Variants in TRPM3 observed in about 807,000 individuals in gnomAD.
The protein encoded by TRPM3 is long transient receptor potential channel 3.
TRPM3 carries 77 observed loss-of-function variants against 181.2 expected under a neutral mutation model. The observed-to-expected ratio is 0.42, with a 90% CI of 0.35 to 0.51. The LOEUF is 0.51. TRPM3 is among the 20% of genes least tolerant of loss of function. The pLI is 0.01. For synonymous variants in TRPM3, 745 were observed against 796.4 expected (o/e 0.94, Z 1.09); for missense variants, 1,759 against 2,196.7 (o/e 0.80, Z 3.98).
At chr9:71,358,019 G>T (rs772754603) in intron 1 of TRPM3, among the ~76,000 whole-genome samples, 1 of 152,084 alleles carries the variant, frequency 6.6e-6, no homozygotes, top group Non-Finnish European at 1.5e-5. Flanking sequence ...GTGTAGAAAT[G>T]AGTGAACAAT....
At position 70,535,760 on chromosome 9, in the gene TRPM3, G is replaced by T. The variant is rs2041563470; in HGVS notation, c.*193C>A. The stretch of plus-strand genomic sequence containing the variant: ...ACATGCCTTAAATCCCCTGTGTCTG[G>T]CACTGGGTCAGATCAAATGCTTTCT... On this transcript the variant is annotated 3_prime_UTR_variant, in exon 26 of 26. Coordinates refer to ENST00000677713, the MANE Select transcript of TRPM3 (RefSeq NM_001366145.2). 2 of 1,462,270 alleles carry T rather than the reference G, an allele frequency of 1.4e-6. No individual in the cohort carries two copies. Among genetic ancestry groups the T allele is most frequent in the Admixed American group, 5.5e-5 (2 of 36,344 alleles). 90.6% of individuals were successfully genotyped at this position (1,462,270 alleles called of 1,614,324 possible).
intron 1 of TRPM3, among the ~76,000 whole-genome samples, chr9:71,324,329 A>G (rs1332372235): frequency 2.0e-5 from 3 of 152,258 alleles, no homozygotes; most frequent in South Asian, 2.1e-4. Flanking sequence ...ATCCAAAGCT[A>G]TCAGTATTTT....
chr9:71,091,511 AT>A (rs2066216493), intron 1 of TRPM3, among the ~76,000 whole-genome samples: 1 of 152,086 alleles, frequency 6.6e-6, no homozygotes, highest in Non-Finnish European at 1.5e-5. Context: ...ATACAATGAT[AT>A]GAATTTGGAG....
intron 6 of TRPM3, chr9:70,793,471 TA>T (rs2086117045): frequency 8.8e-6 from 1 of 113,478 alleles, no homozygotes; most frequent in Non-Finnish European, 1.7e-5. Flanking sequence ...AAAAAAAAAA[TA>T]TATATATATA....
At chr9:71,333,856 C>A (rs1332574761) in intron 1 of TRPM3, among the ~76,000 whole-genome samples, 1 of 151,884 alleles carries the variant, frequency 6.6e-6, no homozygotes, top group African/African-American at 2.4e-5. Flanking sequence ...AATCCAGATT[C>A]CAGTGTGTGA....
chr9:70,849,565 G>T (rs1013724375), intron 3 of TRPM3, among the ~76,000 whole-genome samples: 2 of 152,130 alleles, frequency 1.3e-5, no homozygotes, highest in African/African-American at 4.8e-5. Context: ...ATCTTAAAAA[G>T]TATTGGGTAT....
chr9:71,312,620 T>C (rs1222803674), intron 1 of TRPM3, among the ~76,000 whole-genome samples: 1 of 152,184 alleles, frequency 6.6e-6, no homozygotes, highest in African/African-American at 2.4e-5. Flanking sequence ...GTAACAGCTT[T>C]ATTCAAAATT....
intron 1 of TRPM3, among the ~76,000 whole-genome samples, chr9:71,222,337 A>G (rs898680350): frequency 1.3e-5 from 2 of 152,252 alleles, no homozygotes; most frequent in African/African-American, 4.8e-5. Flanking sequence ...AAGAGTGATC[A>G]TCACAGAAGA....
intron 22 of TRPM3, among the ~76,000 whole-genome samples, chr9:70,561,400 T>A (rs1003296672): frequency 6.6e-6 from 1 of 152,228 alleles, no homozygotes. Flanking sequence ...TTTGCATGGC[T>A]ACATCTTTCT....
At chr9:70,745,623 A>T (rs1273421657) in intron 8 of TRPM3, among the ~76,000 whole-genome samples, 1 of 152,120 alleles carries the variant, frequency 6.6e-6, no homozygotes, top group Non-Finnish European at 1.5e-5. Flanking sequence ...TTGATGCATG[A>T]CTCTATGACT....
intron 1 of TRPM3, among the ~76,000 whole-genome samples, chr9:70,989,372 T>C (rs1375940586): frequency 6.6e-6 from 1 of 152,176 alleles, no homozygotes; most frequent in Admixed American, 6.5e-5. Flanking sequence ...TCACTCCATC[T>C]CCTTTAGTTT....
At chr9:71,224,557 TA>T (rs961028367) in intron 1 of TRPM3, among the ~76,000 whole-genome samples, 1 of 151,946 alleles carries the variant, frequency 6.6e-6, no homozygotes, top group African/African-American at 2.4e-5. Context: ...ACAAACTAAA[TA>T]AGGGACCAAG....
intron 1 of TRPM3, among the ~76,000 whole-genome samples, chr9:70,870,091 T>C (rs1299998176): frequency 6.6e-6 from 1 of 151,992 alleles, no homozygotes; most frequent in Non-Finnish European, 1.5e-5. Flanking sequence ...TTGTGGATGG[T>C]AAATCTGTGA....
At chr9:70,937,606 C>T (rs1002261907) in intron 1 of TRPM3, among the ~76,000 whole-genome samples, 1 of 151,968 alleles carries the variant, frequency 6.6e-6, no homozygotes, top group Non-Finnish European at 1.5e-5. Flanking sequence ...GAAATTAAAC[C>T]TGTAGGTAAG....
chr9:71,404,950 C>A (rs1305807180), intron 1 of TRPM3, among the ~76,000 whole-genome samples: 1 of 152,154 alleles, frequency 6.6e-6, no homozygotes, highest in African/African-American at 2.4e-5. Flanking sequence ...TCCTCTTCAA[C>A]TTATCCAGGA....
At chr9:71,145,796 C>T (rs1387266589) in intron 1 of TRPM3, among the ~76,000 whole-genome samples, 1 of 151,974 alleles carries the variant, frequency 6.6e-6, no homozygotes, top group Non-Finnish European at 1.5e-5. Context: ...ACAAAGGAAA[C>T]TCTTATAAAC....
chr9:70,920,924 T>C (rs539327012), intron 1 of TRPM3, among the ~76,000 whole-genome samples: 1 of 152,240 alleles, frequency 6.6e-6, no homozygotes, highest in South Asian at 2.1e-4. Flanking sequence ...AATTAAATAT[T>C]CCTAGTCACT....
At chr9:70,557,343 A>G (rs73450167) in intron 22 of TRPM3, among the ~76,000 whole-genome samples, 228 of 152,354 alleles carry the variant, frequency 1.5e-3, no homozygotes, top group African/African-American at 4.3e-3. Context: ...CCTTGTTACC[A>G]TGATGATGAT....
intron 1 of TRPM3, among the ~76,000 whole-genome samples, chr9:71,282,400 GGA>G (rs2084910421): frequency 1.5e-4 from 18 of 116,902 alleles, no homozygotes; most frequent in East Asian, 6.2e-4. Context: ...AAGAAAGAAA[GGA>G]AAAGAAAGAA....
Sources: allele counts gnomAD v4.1 joint callset (sites outside exome capture counted in the v4.1 genomes callset), GRCh38; gene constraint gnomAD v4.1.1; transcripts MANE v1.5; gene names NCBI Gene and HGNC (gene_info 2026-07-23, HGNC 2026-07-21).